The following GID8 variants were observed in gnomAD, a reference collection of about 807,000 sequenced individuals.
GID8 encodes glucose-induced degradation protein 8 homolog.
Under a neutral mutation model 27.4 loss-of-function variants are expected in GID8, and 6 were observed. The observed-to-expected ratio is 0.22, with a 90% confidence interval of 0.12 to 0.43. GID8 has a LOEUF of 0.43. GID8 is among the 20% of genes least tolerant of loss of function. The pLI is 1.00. For missense variants in GID8, 173 were observed against 287.6 expected, an observed-to-expected ratio of 0.60 and a Z score of 2.88; for synonymous variants, 112 against 109.0, an observed-to-expected ratio of 1.03 and a Z score of -0.17.
At chr20:62,941,092 C>T (rs929300097) in intron 1 of GID8, among the ~76,000 whole-genome samples, 9 of 152,354 alleles carry the variant, frequency 5.9e-5, no homozygotes, top group African/African-American at 2.2e-4. Context: ...GTTGAATGAA[C>T]GCTCAGGTGG....
intron 1 of GID8, among the ~76,000 whole-genome samples, chr20:62,941,221 T>C (rs1051567175): frequency 1.3e-5 from 2 of 152,270 alleles, no homozygotes; most frequent in Non-Finnish European, 2.9e-5. Context: ...ATTGCTGGGT[T>C]GTGAGGAGCA....
Position 62,946,914 on chromosome 20 carries a change from G to GC in GID8, c.*2003dup, listed in dbSNP as rs2065468989. On this transcript the variant is annotated 3_prime_UTR_variant, in exon 5 of 5. Transcript: ENST00000266069. ...TTCGTGTATATAAGATCGTTTACTT[G>GC]CATAATATATCATCAATTTGACATA... 6.6e-6 allele frequency: 1 copy of GC among 152,212 alleles called. No homozygotes were observed. Among genetic ancestry groups the GC allele is most frequent in the Admixed American group, 6.5e-5 (1 of 15,280 alleles). 9.4% of individuals were successfully genotyped at this position (152,212 alleles called of 1,614,324 possible). A position where few individuals can be genotyped will look rare whatever the true frequency, so the allele number is the denominator to read the frequency against.
rs565500133 is a variant in GID8, at chr20:62,946,788, T to C, written c.*1876T>C. 2.0e-5 allele frequency: 3 copies of C among 152,296 alleles called. No individual in the cohort carries two copies. Among genetic ancestry groups the C allele is most frequent in the Non-Finnish European group, 2.9e-5 (2 of 68,022 alleles). The allele number at this position is 152,296 out of a possible 1,614,324, so 9.4% of individuals were successfully genotyped here. On this transcript the variant is annotated 3_prime_UTR_variant, in exon 5 of 5. Transcript: ENST00000266069. ...AGAGTAACTAATAGGGGATGAAATATAGCAGAAGCTAGAAGAAAGCGGTGA... is the reference window on the plus strand; with the variant it reads ...AGAGTAACTAATAGGGGATGAAATACAGCAGAAGCTAGAAGAAAGCGGTGA...
intron 4 of GID8, 102 bp from the exon 5 acceptor site, chr20:62,944,637 C>T (rs1428201864): frequency 3.8e-6 from 3 of 795,612 alleles, no homozygotes; most frequent in East Asian, 5.0e-5. Flanking sequence ...GAGAGTGTCT[C>T]GCAGTTAAGA....
In GID8 at chr20:62,944,977, T is replaced by A; in HGVS notation, c.*65T>A. On this transcript the variant is annotated 3_prime_UTR_variant, in exon 5 of 5. Coordinates refer to ENST00000266069, the MANE Select transcript of GID8 (RefSeq NM_017896.3). ...TCGTGGGACTTGCCTCAGATCAGCCTGCGACTGCAAGATTCTTACTGCAGT... is the reference window on the plus strand; with the variant it reads ...TCGTGGGACTTGCCTCAGATCAGCCAGCGACTGCAAGATTCTTACTGCAGT... 1 of 1,526,190 alleles carries A rather than the reference T, an allele frequency of 6.6e-7. No homozygotes were observed. Among genetic ancestry groups the A allele is most frequent in the Non-Finnish European group, 8.8e-7 (1 of 1,135,840 alleles). 94.5% of individuals were successfully genotyped at this position (1,526,190 alleles called of 1,614,324 possible).
At position 62,940,505 on chromosome 20, in the gene GID8, G is replaced by A. The variant is rs970753795; in HGVS notation, c.-12-986G>A. 2.0e-5 allele frequency among the ~76,000 whole-genome samples: 3 copies of A among 152,020 alleles called. No homozygotes were observed. The East Asian group carries it at 5.8e-4, about 29-fold the overall frequency. On this transcript the variant is annotated intron_variant, in intron 1 of 4. Transcript: ENST00000266069. Reference sequence around the variant, plus strand: ...GCTGGGACTACAGGCGCCCGCCACCGAGCACGGCTAATTTTTTGTATTTTT... The same window carrying A: ...GCTGGGACTACAGGCGCCCGCCACCAAGCACGGCTAATTTTTTGTATTTTT...
intron 1 of GID8, among the ~76,000 whole-genome samples, chr20:62,940,278 G>C (rs1210110097): frequency 6.8e-6 from 1 of 146,748 alleles, no homozygotes; most frequent in Non-Finnish European, 1.5e-5. Context: ...TCCACCTCCC[G>C]GGTTCACGCC....
chr20:62,945,054 A>G lies in GID8; in HGVS notation c.*142A>G, dbSNP rs888443556. ...TTTTTTTGACCTGGCATCTTTTTATAGGGAAAAATGGCCTTTGTAGGCAGT... is the reference window on the plus strand; with the variant it reads ...TTTTTTTGACCTGGCATCTTTTTATGGGGAAAAATGGCCTTTGTAGGCAGT... On this transcript the variant is annotated 3_prime_UTR_variant, in exon 5 of 5. Coordinates refer to ENST00000266069, the MANE Select transcript of GID8 (RefSeq NM_017896.3). 1.4e-5 allele frequency: 20 copies of G among 1,428,740 alleles called. No individual in the cohort carries two copies. In the African/African-American group the frequency reaches 1.7e-4, roughly 12 times the overall value. The allele number at this position is 1,428,740 out of a possible 1,614,324, so 88.5% of individuals were successfully genotyped here. A position where few individuals can be genotyped will look rare whatever the true frequency, so the allele number is the denominator to read the frequency against.
At position 62,942,925 on chromosome 20, in the gene GID8, C is replaced by G. The variant is rs953705476; in HGVS notation, c.119-62C>G. 10 of 1,266,438 alleles carry G rather than the reference C, an allele frequency of 7.9e-6. No homozygotes were observed. The African/African-American group carries it at 1.5e-4, about 19-fold the overall frequency. The allele number at this position is 1,266,438 out of a possible 1,614,324, so 78.5% of individuals were successfully genotyped here. A position where few individuals can be genotyped will look rare whatever the true frequency, so the allele number is the denominator to read the frequency against. ...GAGGCAATTGGAGTTTCTGGAGATA[C>G]AAAGTCTTTGCCTTAATTCCTTGCT... On this transcript the variant is annotated intron_variant, in intron 2 of 4. Transcript: ENST00000266069.
chr20:62,941,560 A>C lies in GID8; in HGVS notation c.58A>C (p.Asn20His). 6.2e-7 allele frequency: 1 copy of C among 1,613,498 alleles called. No homozygotes were observed. The highest frequency in any genetic ancestry group is 2.2e-5 in the East Asian group (1 of 44,890). Reference sequence around the variant, plus strand: ...GAAAGATGAGTGGATGGAAAAGCTCAATAACTTGCATGTCCAGAGAGCAGA... The same window carrying C: ...GAAAGATGAGTGGATGGAAAAGCTCCATAACTTGCATGTCCAGAGAGCAGA... ...ITKDEWMEKL[N>H]NLHVQRADMN... The change falls in exon 2 of 5, where the codon AAT becomes CAT. Residue 20 changes from asparagine to histidine, a missense_variant. Transcript: ENST00000266069.
At chr20:62,942,846 G>C in intron 2 of GID8, 141 bp from the exon 3 acceptor site, 1 of 606,606 alleles carries the variant, frequency 1.6e-6, no homozygotes, top group Non-Finnish European at 3.0e-6. Flanking sequence ...AAATTATAAA[G>C]ATATTAATAC....
Position 62,945,181 on chromosome 20 carries a change from A to G in GID8, c.*269A>G. ...CTGGAAGGTTGCGGTTTGCTCTTCC[A>G]GTGTTCGGGGGCCTCTGGCTGCTGA... On this transcript the variant is annotated 3_prime_UTR_variant, in exon 5 of 5. Coordinates refer to ENST00000266069, the MANE Select transcript of GID8 (RefSeq NM_017896.3). 8.1e-7 allele frequency: 1 copy of G among 1,227,274 alleles called. No individual in the cohort carries two copies. Among genetic ancestry groups the G allele is most frequent in the Non-Finnish European group, 1.0e-6 (1 of 976,918 alleles). The allele number at this position is 1,227,274 out of a possible 1,614,324, so 76.0% of individuals were successfully genotyped here. A position where few individuals can be genotyped will look rare whatever the true frequency, so the allele number is the denominator to read the frequency against.
chr20:62,945,092 A>T lies in GID8; in HGVS notation c.*180A>T. On this transcript the variant is annotated 3_prime_UTR_variant, in exon 5 of 5. Coordinates refer to ENST00000266069, the MANE Select transcript of GID8 (RefSeq NM_017896.3). ...CTTTGTAGGCAGTGGAAAACTTGCA[A>T]GGAAAGCTGCCGTCTCTTTGGCAGT... 7.1e-7 allele frequency: 1 copy of T among 1,408,028 alleles called. No individual in the cohort carries two copies. The highest frequency in any genetic ancestry group is 9.2e-7 in the Non-Finnish European group (1 of 1,084,080). 87.2% of individuals were successfully genotyped at this position (1,408,028 alleles called of 1,614,324 possible).
At position 62,948,198 on chromosome 20, in the gene GID8, T is replaced by C. The variant is rs944712303; in HGVS notation, c.*3286T>C. The C allele has an allele frequency of 6.6e-6, 1 of 152,270 alleles. No individual in the cohort carries two copies. The highest frequency in any genetic ancestry group is 2.4e-5 in the African/African-American group (1 of 41,474). 9.4% of individuals were successfully genotyped at this position (152,270 alleles called of 1,614,324 possible). A position where few individuals can be genotyped will look rare whatever the true frequency, so the allele number is the denominator to read the frequency against. On this transcript the variant is annotated 3_prime_UTR_variant, in exon 5 of 5. Coordinates refer to ENST00000266069, the MANE Select transcript of GID8 (RefSeq NM_017896.3). ...TGCTGCTCTGTTAACTGTTCTATTCTGATACTACGCGTGTTGTTTTTTACA... is the reference window on the plus strand; with the variant it reads ...TGCTGCTCTGTTAACTGTTCTATTCCGATACTACGCGTGTTGTTTTTTACA...
At chr20:62,944,572 G>A (rs1444910362) in intron 4 of GID8, among the ~76,000 whole-genome samples, 167 bp from the exon 5 acceptor site, 2 of 152,196 alleles carry the variant, frequency 1.3e-5, no homozygotes, top group South Asian at 2.1e-4. Context: ...TGCATGTGAC[G>A]TTTAACAACC....
At chr20:62,938,647 T>G (rs2065419363) in intron 1 of GID8, 1 of 152,244 alleles carries the variant, frequency 6.6e-6, no homozygotes, top group Non-Finnish European at 1.5e-5. Context: ...AGTAGGAGTC[T>G]TCAGCACACG....
chr20:62,946,309 T>C lies in GID8; in HGVS notation c.*1397T>C, dbSNP rs938516813. 1.4e-5 allele frequency: 4 copies of C among 291,480 alleles called. No homozygotes were observed. The highest frequency in any genetic ancestry group is 5.7e-5 in the South Asian group (2 of 35,152). The allele number at this position is 291,480 out of a possible 1,614,324, so 18.1% of individuals were successfully genotyped here. On this transcript the variant is annotated 3_prime_UTR_variant, in exon 5 of 5. Coordinates refer to ENST00000266069, the MANE Select transcript of GID8 (RefSeq NM_017896.3). Reference sequence around the variant, plus strand: ...CATGGTCTAGGTCTGGTGGCCAGCTTGCCAGTACCTGAGCCGGTCGGGTCA... The same window carrying C: ...CATGGTCTAGGTCTGGTGGCCAGCTCGCCAGTACCTGAGCCGGTCGGGTCA...
At position 62,938,273 on chromosome 20, in the gene GID8, C is replaced by T; in HGVS notation, c.-13+20C>T. 6.6e-6 allele frequency: 1 copy of T among 150,924 alleles called. No individual in the cohort carries two copies. Among genetic ancestry groups the T allele is most frequent in the Non-Finnish European group, 1.5e-5 (1 of 67,560 alleles). 9.3% of individuals were successfully genotyped at this position (150,924 alleles called of 1,614,324 possible). On this transcript the variant is annotated intron_variant, in intron 1 of 4. Transcript: ENST00000266069. ...CGCACGGTAAGATGGCGGCGGCGGG[C>T]CCGGGCGGCCGGGCCGAGCGTCTCC...
At chr20:62,941,413 C>T (rs946247433) in intron 1 of GID8, 78 bp from the exon 2 acceptor site, 5 of 795,002 alleles carry the variant, frequency 6.3e-6, no homozygotes, top group Non-Finnish European at 1.1e-5. Context: ...TTCTCCGGCT[C>T]ACAGCTCTTC....
Sources: allele counts gnomAD v4.1 joint callset (sites outside exome capture counted in the v4.1 genomes callset), GRCh38; gene constraint gnomAD v4.1.1; transcripts MANE v1.5; gene names NCBI Gene and HGNC (gene_info 2026-07-23, HGNC 2026-07-21).